Variants in ZNF385D observed in about 807,000 individuals in gnomAD.
The protein encoded by ZNF385D is zinc finger protein 659.
ZNF385D carries 15 observed loss-of-function variants against 35.8 expected under a neutral mutation model. That is an observed-to-expected ratio of 0.42 (90% CI 0.28 to 0.64). The LOEUF (loss-of-function observed/expected upper bound fraction) is 0.64. Among genes scored for constraint, ZNF385D ranks in the 30% least tolerant of loss-of-function variants. The pLI is 0.23. For synonymous variants in ZNF385D, 212 were observed against 186.8 expected, an observed-to-expected ratio of 1.13 and a Z score of -1.10; for missense variants, 474 against 494.6, an observed-to-expected ratio of 0.96 and a Z score of 0.39.
intron 3 of ZNF385D, among the ~76,000 whole-genome samples, chr3:21,826,548 CT>C (rs1423775749): frequency 6.6e-6 from 1 of 152,062 alleles, no homozygotes; most frequent in Non-Finnish European, 1.5e-5. Context: ...AAAGTCATTC[CT>C]TTTTTTAGAA....
rs558629124 is a variant in ZNF385D at position 21,633,711 on chromosome 3, A to G, written c.165+31175T>C. Among the ~76,000 whole-genome samples, 10 of 152,260 alleles carry G rather than the reference A, an allele frequency of 6.6e-5. No homozygotes were observed. In the South Asian group the frequency reaches 1.9e-3, roughly 28 times the overall value. Reference sequence around the variant, plus strand: ...TCAAAGGTGGATGTTTTAGCATTGTATTCTTGTAATGAATCTAGTAAACAG... The same window carrying G: ...TCAAAGGTGGATGTTTTAGCATTGTGTTCTTGTAATGAATCTAGTAAACAG... On this transcript the variant is annotated intron_variant, in intron 2 of 7. Coordinates refer to ENST00000281523, the MANE Select transcript of ZNF385D (RefSeq NM_024697.3).
At chr3:21,813,273 A>T (rs1164888857) in intron 3 of ZNF385D, among the ~76,000 whole-genome samples, 1 of 152,232 alleles carries the variant, frequency 6.6e-6, no homozygotes, top group African/African-American at 2.4e-5. Flanking sequence ...GAAAATTCTA[A>T]GAATCAGAGC....
At chr3:22,215,611 A>G (rs1160301201) in intron 2 of ZNF385D, among the ~76,000 whole-genome samples, 1 of 152,076 alleles carries the variant, frequency 6.6e-6, no homozygotes, top group East Asian at 1.9e-4. Context: ...GATGTTATCA[A>G]TGAAAATACT....
At chr3:22,336,383 T>G (rs147132323) in intron 2 of ZNF385D, among the ~76,000 whole-genome samples, 2 of 152,274 alleles carry the variant, frequency 1.3e-5, no homozygotes, top group Admixed American at 6.5e-5. Flanking sequence ...TTCAACTGTA[T>G]CAGAAATAGT....
intron 3 of ZNF385D, among the ~76,000 whole-genome samples, chr3:21,831,628 T>C (rs1331819817): frequency 2.0e-5 from 3 of 152,180 alleles, no homozygotes; most frequent in East Asian, 1.9e-4. Flanking sequence ...ACTACATCCA[T>C]GAACTCAACT....
At chr3:22,035,101 C>A (rs1479320048) in intron 3 of ZNF385D, among the ~76,000 whole-genome samples, 3 of 152,110 alleles carry the variant, frequency 2.0e-5, no homozygotes, top group African/African-American at 7.2e-5. Context: ...GTAACATTAT[C>A]CTACATTTGG....
intron 3 of ZNF385D, among the ~76,000 whole-genome samples, chr3:21,948,369 G>A (rs1559782515): frequency 6.7e-6 from 1 of 149,176 alleles, no homozygotes; most frequent in Non-Finnish European, 1.5e-5. Context: ...CTTTTAGGAG[G>A]CAGGTTTTTC....
At chr3:21,693,335 C>T (rs975345856) in intron 1 of ZNF385D, among the ~76,000 whole-genome samples, 8 of 152,168 alleles carry the variant, frequency 5.3e-5, no homozygotes, top group African/African-American at 9.7e-5. Context: ...TGTTACTGAG[C>T]CTAGTTGCCC....
intron 2 of ZNF385D, among the ~76,000 whole-genome samples, chr3:21,608,951 G>A (rs1022705842): frequency 1.1e-4 from 16 of 152,178 alleles, no homozygotes; most frequent in Admixed American, 2.6e-4. Context: ...TTTTAAACAT[G>A]TTGTCAATAA....
chr3:21,680,704 C>G (rs1338013641), intron 1 of ZNF385D, among the ~76,000 whole-genome samples: 1 of 152,142 alleles, frequency 6.6e-6, no homozygotes, highest in African/African-American at 2.4e-5. Context: ...ACCAACTACT[C>G]CAGCCAAAAT....
chr3:22,301,726 A>G (rs1702912507), intron 2 of ZNF385D, among the ~76,000 whole-genome samples: 1 of 152,080 alleles, frequency 6.6e-6, no homozygotes, highest in Admixed American at 6.6e-5. Context: ...TTGTGTCTGC[A>G]GGAAGCCATT....
intron 2 of ZNF385D, among the ~76,000 whole-genome samples, chr3:22,247,615 T>TTTTATTTATTTATTTATTTATTTATTTA (rs71266432): frequency 2.0e-4 from 30 of 148,302 alleles, no homozygotes; most frequent in African/African-American, 7.5e-4. Flanking sequence ...CATTTTACAA[T>TTTTATTTATTTATTTATTTATTTATTTA]TTTATTTATT....
Position 21,515,715 on chromosome 3 carries a change from G to A in ZNF385D, c.277-4692C>T, listed in dbSNP as rs544096693. On this transcript the variant is annotated intron_variant, in intron 3 of 7. Transcript: ENST00000281523. ...AATTTAATATATAGTTTAACATTGAGGCAAGGATAATAGGCCCTTCCTAAA... is the reference window on the plus strand; with the variant it reads ...AATTTAATATATAGTTTAACATTGAAGCAAGGATAATAGGCCCTTCCTAAA... 3.9e-4 allele frequency among the ~76,000 whole-genome samples: 60 copies of A among 152,294 alleles called. 1 individual carries two copies. The South Asian group carries it at 5.0e-3, about 13-fold the overall frequency.
At chr3:22,348,869 T>C (rs188558406) in intron 2 of ZNF385D, among the ~76,000 whole-genome samples, 77 of 152,226 alleles carry the variant, frequency 5.1e-4, no homozygotes, top group African/African-American at 1.8e-3. Flanking sequence ...ACTCAATCTG[T>C]GGTACTTTGT....
chr3:22,242,648 T>A (rs1294602528), intron 2 of ZNF385D, among the ~76,000 whole-genome samples: 1 of 150,966 alleles, frequency 6.6e-6, no homozygotes, highest in Non-Finnish European at 1.5e-5. Context: ...TAATGTGACA[T>A]CGCAACTAAA....
At chr3:22,252,729 G>C (rs1700125511) in intron 2 of ZNF385D, among the ~76,000 whole-genome samples, 1 of 152,044 alleles carries the variant, frequency 6.6e-6, no homozygotes, top group African/African-American at 2.4e-5. Flanking sequence ...ATGGAAAAGA[G>C]CATGACATAA....
At chr3:21,659,111 T>C (rs1377969312) in intron 2 of ZNF385D, among the ~76,000 whole-genome samples, 1 of 152,072 alleles carries the variant, frequency 6.6e-6, no homozygotes, top group Non-Finnish European at 1.5e-5. Context: ...CTCAGTGTTA[T>C]CACTGTCATC....
At chr3:21,645,791 T>C (rs1465402200) in intron 2 of ZNF385D, among the ~76,000 whole-genome samples, 1 of 152,182 alleles carries the variant, frequency 6.6e-6, no homozygotes, top group Non-Finnish European at 1.5e-5. Context: ...CAACTAGATA[T>C]TTTTTCTCCC....
At chr3:22,185,509 C>T (rs1695570147) in intron 2 of ZNF385D, among the ~76,000 whole-genome samples, 1 of 152,244 alleles carries the variant, frequency 6.6e-6, no homozygotes, top group Non-Finnish European at 1.5e-5. Context: ...CTCACTCTGT[C>T]GTCCAGGCTG....
Sources: allele counts gnomAD v4.1 joint callset (sites outside exome capture counted in the v4.1 genomes callset), GRCh38; gene constraint gnomAD v4.1.1; transcripts MANE v1.5; gene names NCBI Gene and HGNC (gene_info 2026-07-23, HGNC 2026-07-21).